The following VPS50 variants were observed in gnomAD, a reference collection of about 807,000 sequenced individuals.
VPS50 encodes the protein VPS50 subunit of EARP/GARPII complex, also known as syndetin.
In VPS50, 70 loss-of-function variants were observed where a neutral mutation model predicts 139.7. The observed-to-expected ratio is 0.50, with a 90% CI of 0.41 to 0.61. The LOEUF is 0.61. Ranked by LOEUF, VPS50 falls within the 20% of genes least tolerant of loss-of-function variation. The pLI is 0.00. For synonymous variants in VPS50, 365 were observed against 376.7 expected, an observed-to-expected ratio of 0.97 and a Z score of 0.36; for missense variants, 921 against 1,133.7, an observed-to-expected ratio of 0.81 and a Z score of 2.69.
chr7:93,272,953 C>T (rs1301528630), intron 11 of VPS50: 3 of 285,590 alleles, frequency 1.1e-5, no homozygotes, highest in Non-Finnish European at 1.9e-5. Context: ...CTATGAAGTA[C>T]TTGTCAGGTT....
intron 9 of VPS50, among the ~76,000 whole-genome samples, chr7:93,260,897 T>C (rs1795649446): frequency 6.6e-6 from 1 of 152,146 alleles, no homozygotes; most frequent in South Asian, 2.1e-4. Context: ...GGTTTTGCCA[T>C]GTCAGCCAGG....
intron 23 of VPS50, among the ~76,000 whole-genome samples, chr7:93,346,286 C>T (rs1009819886): frequency 6.6e-6 from 1 of 152,112 alleles, no homozygotes; most frequent in Non-Finnish European, 1.5e-5. Flanking sequence ...AGGACCTCTT[C>T]AAGGAGAACT....
At position 93,330,761 on chromosome 7, in the gene VPS50, C is replaced by CAAAAA. The variant is rs57338525; in HGVS notation, c.1978-3339_1978-3335dup. ...TGGGCAACAGAGCGAGACCCTGTCT[C>CAAAAA]AAAAAAAAAAAAAAAAAAAAACCCA... is the stretch of plus-strand genomic sequence containing the variant. On this transcript the variant is annotated intron_variant, in intron 21 of 27. Coordinates refer to ENST00000305866, the MANE Select transcript of VPS50 (RefSeq NM_017667.4). Among the ~76,000 whole-genome samples the CAAAAA allele has an allele frequency of 2.4e-3, 199 of 83,416 alleles. 8 individuals are homozygous for CAAAAA. The highest frequency in any genetic ancestry group is 6.9e-3 in the African/African-American group (131 of 19,098). 54.7% of individuals were successfully genotyped at this position (83,416 alleles called of 152,430 possible). A position where few individuals can be genotyped will look rare whatever the true frequency, so the allele number is the denominator to read the frequency against.
intron 12 of VPS50, among the ~76,000 whole-genome samples, chr7:93,280,732 T>G (rs922488550): frequency 6.6e-6 from 1 of 152,136 alleles, no homozygotes; most frequent in African/African-American, 2.4e-5. Flanking sequence ...TAGGATGTTA[T>G]TGATTAATTT....
intron 18 of VPS50, among the ~76,000 whole-genome samples, chr7:93,307,997 A>G (rs1797162934): frequency 6.6e-6 from 1 of 151,966 alleles, no homozygotes; most frequent in Admixed American, 6.6e-5. Context: ...AAGTGTCTGT[A>G]TGATTAAATG....
chr7:93,248,845 C>T (rs752518360), intron 2 of VPS50, among the ~76,000 whole-genome samples: 24 of 151,950 alleles, frequency 1.6e-4, no homozygotes, highest in Non-Finnish European at 2.9e-4. Context: ...ACACGGTGAT[C>T]GGGATTCTAA....
intron 9 of VPS50, among the ~76,000 whole-genome samples, chr7:93,270,559 A>C (rs899582672): frequency 9.2e-5 from 14 of 151,862 alleles, no homozygotes; most frequent in African/African-American, 3.4e-4. Flanking sequence ...ATAATGCTGC[A>C]AGGATTCTGT....
At chr7:93,347,838 A>C (rs958691070) in intron 23 of VPS50, among the ~76,000 whole-genome samples, 2 of 78,844 alleles carry the variant, frequency 2.5e-5, no homozygotes, top group African/African-American at 1.0e-4. Flanking sequence ...GGGTGGGGGG[A>C]GGGGGGAGGG....
intron 12 of VPS50, among the ~76,000 whole-genome samples, chr7:93,288,248 G>A (rs981673322): frequency 3.3e-5 from 5 of 152,084 alleles, no homozygotes; most frequent in Non-Finnish European, 5.9e-5. Flanking sequence ...ATATCACTAA[G>A]GGAAAACATT....
chr7:93,342,909 T>C (rs1798266267), intron 23 of VPS50, among the ~76,000 whole-genome samples: 1 of 151,988 alleles, frequency 6.6e-6, no homozygotes, highest in Non-Finnish European at 1.5e-5. Context: ...ACCTGGAAAC[T>C]CTAAAAAGCA....
At chr7:93,251,528 G>T (rs764798106) in intron 2 of VPS50, among the ~76,000 whole-genome samples, 1 of 145,312 alleles carries the variant, frequency 6.9e-6, no homozygotes, top group East Asian at 2.1e-4. Context: ...GGGGTGGGGG[G>T]CTAGGGGAGG....
intron 2 of VPS50, among the ~76,000 whole-genome samples, chr7:93,249,413 G>A (rs1489786049): frequency 6.6e-6 from 1 of 151,918 alleles, no homozygotes; most frequent in Admixed American, 6.6e-5. Context: ...TGATGGAATT[G>A]CAGCTAAAAA....
intron 11 of VPS50, 99 bp downstream of exon 11, chr7:93,272,832 T>A (rs1362579620): frequency 1.7e-6 from 1 of 591,124 alleles, no homozygotes; most frequent in Admixed American, 3.4e-5. Context: ...CTTAAAAAGT[T>A]TTATTTAACG....
intron 19 of VPS50, among the ~76,000 whole-genome samples, chr7:93,309,736 A>T (rs946324948): frequency 6.6e-6 from 1 of 151,830 alleles, no homozygotes; most frequent in Non-Finnish European, 1.5e-5. Flanking sequence ...TTATAAGAGA[A>T]TTTTTTCTTA....
chr7:93,270,291 C>A (rs1485096523), intron 9 of VPS50, among the ~76,000 whole-genome samples: 1 of 151,878 alleles, frequency 6.6e-6, no homozygotes, highest in East Asian at 1.9e-4. Context: ...AAACTTCTCG[C>A]ATGTCTCATC....
chr7:93,333,127 A>G (rs1797982309), intron 21 of VPS50, among the ~76,000 whole-genome samples: 1 of 152,180 alleles, frequency 6.6e-6, no homozygotes, highest in Non-Finnish European at 1.5e-5. Context: ...AATAGAAGAA[A>G]AATGGATTAA....
In VPS50 at chr7:93,294,642, G is replaced by A; in HGVS notation, c.1167+6G>A. ...GACTTACACGAATATGGCAGGTTTG[G>A]TTTTTTTAAAATTATTTTTTTCACA... is the stretch of plus-strand genomic sequence containing the variant. On this transcript the variant is annotated splice_donor_region_variant and intron_variant, in intron 14 of 27. Coordinates refer to ENST00000305866, the MANE Select transcript of VPS50 (RefSeq NM_017667.4). The A allele has an allele frequency of 6.4e-7, 1 of 1,566,048 alleles. No homozygotes were observed. The highest frequency in any genetic ancestry group is 2.3e-5 in the East Asian group (1 of 43,616).
chr7:93,319,349 C>T (rs1373312928), intron 20 of VPS50, among the ~76,000 whole-genome samples: 2 of 152,316 alleles, frequency 1.3e-5, no homozygotes, highest in East Asian at 3.9e-4. Flanking sequence ...AGTTCTTGTC[C>T]ATGCTGCTAC....
intron 12 of VPS50, among the ~76,000 whole-genome samples, chr7:93,289,506 A>G (rs1163648404): frequency 4.6e-5 from 7 of 151,996 alleles, no homozygotes; most frequent in Non-Finnish European, 7.4e-5. Flanking sequence ...TTGCTATACA[A>G]ATTGTACTTA....
Sources: allele counts gnomAD v4.1 joint callset (sites outside exome capture counted in the v4.1 genomes callset), GRCh38; gene constraint gnomAD v4.1.1; transcripts MANE v1.5; gene names NCBI Gene and HGNC (gene_info 2026-07-23, HGNC 2026-07-21).